ASB1: variants seen among roughly 807,000 people sequenced by gnomAD.
ASB1 encodes the protein ankyrin repeat and SOCS box protein 1.
In ASB1, 18 loss-of-function variants were observed where a neutral mutation model predicts 27.7. The observed-to-expected ratio is 0.65, with a 90% CI of 0.45 to 0.96. The LOEUF (loss-of-function observed/expected upper bound fraction) is 0.96. ASB1 is among the 50% of genes least tolerant of loss of function. The probability of loss-of-function intolerance (pLI) is 0.00; values close to 1 mark genes in which losing one functional copy is unlikely to be tolerated. For synonymous variants in ASB1, 189 were observed against 187.6 expected, an observed-to-expected ratio of 1.01 and a Z score of -0.06; for missense variants, 397 against 451.7, an observed-to-expected ratio of 0.88 and a Z score of 1.10.
intron 2 of ASB1, among the ~76,000 whole-genome samples, chr2:238,435,473 T>C (rs1397562530): frequency 1.3e-5 from 2 of 152,232 alleles, no homozygotes; most frequent in Non-Finnish European, 2.9e-5. Context: ...GTTTTGGTGC[T>C]GATCATTCTG....
intron 1 of ASB1, chr2:238,433,229 G>T (rs1460973831): frequency 1.0e-5 from 2 of 194,888 alleles, no homozygotes; most frequent in Non-Finnish European, 2.1e-5. Flanking sequence ...AATTATTCTT[G>T]TCAGCGTTGG....
At chr2:238,442,987 C>G (rs866820011) in intron 3 of ASB1, among the ~76,000 whole-genome samples, 121 of 152,250 alleles carry the variant, frequency 7.9e-4, no homozygotes, top group African/African-American at 2.8e-3. Flanking sequence ...CCCACCACCC[C>G]CTTCTTGCTT....
chr2:238,432,893 C>T (rs372624069), intron 1 of ASB1, among the ~76,000 whole-genome samples: 6 of 151,062 alleles, frequency 4.0e-5, no homozygotes, highest in East Asian at 2.0e-4. Flanking sequence ...ACTACAGGTG[C>T]GCGGCACCAC....
intron 4 of ASB1, among the ~76,000 whole-genome samples, chr2:238,445,140 A>G (rs914598998): frequency 2.0e-5 from 3 of 151,692 alleles, no homozygotes; most frequent in Non-Finnish European, 4.4e-5. Flanking sequence ...CACCATGCCC[A>G]GCTAATTTTT....
chr2:238,441,440 AT>A (rs1200316835), intron 3 of ASB1, among the ~76,000 whole-genome samples: 1 of 152,110 alleles, frequency 6.6e-6, no homozygotes, highest in Non-Finnish European at 1.5e-5. Context: ...TGGCCAAGGT[AT>A]AAATTTTTGG....
intron 4 of ASB1, 56 bp downstream of exon 4, chr2:238,444,783 G>C: frequency 6.6e-7 from 1 of 1,506,486 alleles, no homozygotes; most frequent in Non-Finnish European, 8.8e-7. Flanking sequence ...AATGAATCAA[G>C]ATGTAGCAAT....
At chr2:238,427,229 G>T (rs1483347693) in intron 1 of ASB1, 110 bp downstream of exon 1, 4 of 818,894 alleles carry the variant, frequency 4.9e-6, no homozygotes, top group Non-Finnish European at 4.9e-6. Context: ...CCGGGTCCAC[G>T]GGGCAGCCAG....
At chr2:238,443,771 A>G (rs1228264909) in intron 3 of ASB1, among the ~76,000 whole-genome samples, 3 of 150,470 alleles carry the variant, frequency 2.0e-5, no homozygotes, top group East Asian at 3.9e-4. Flanking sequence ...CTGCAGAGAT[A>G]ATCAGAGGAT....
intron 1 of ASB1, among the ~76,000 whole-genome samples, chr2:238,429,703 C>G (rs1701829529): frequency 6.6e-6 from 1 of 152,130 alleles, no homozygotes; most frequent in South Asian, 2.1e-4. Context: ...GAGGCCGAGG[C>G]AGGCAGATCA....
At chr2:238,439,539 G>T (rs374552609) in intron 3 of ASB1, among the ~76,000 whole-genome samples, 2 of 152,168 alleles carry the variant, frequency 1.3e-5, no homozygotes, top group Non-Finnish European at 2.9e-5. Flanking sequence ...GCGTGTTCTG[G>T]TCCCGTCATC....
intron 3 of ASB1, among the ~76,000 whole-genome samples, chr2:238,438,745 A>G (rs558052509): frequency 2.0e-5 from 3 of 152,274 alleles, no homozygotes; most frequent in East Asian, 3.9e-4. Context: ...TAGGGCTCTC[A>G]TCTTTCACTG....
rs1478683928 is a variant in ASB1, at chr2:238,451,706, A to G, written c.*5195A>G. On this transcript the variant is annotated 3_prime_UTR_variant, in exon 5 of 5. Coordinates refer to ENST00000264607, the MANE Select transcript of ASB1 (RefSeq NM_001040445.3). ...GCATAATGAACACTTTTGATATGAT[A>G]TTGTAACTTTAGTAAATGCTTTACT... is the stretch of plus-strand genomic sequence containing the variant. 2.0e-5 allele frequency: 3 copies of G among 152,598 alleles called. No individual in the cohort carries two copies. Among genetic ancestry groups the G allele is most frequent in the Non-Finnish European group, 4.4e-5 (3 of 68,038 alleles). The allele number at this position is 152,598 out of a possible 1,614,324, so 9.5% of individuals were successfully genotyped here.
At chr2:238,439,401 A>T (rs1036469787) in intron 3 of ASB1, among the ~76,000 whole-genome samples, 1 of 152,014 alleles carries the variant, frequency 6.6e-6, no homozygotes, top group Non-Finnish European at 1.5e-5. Context: ...GTTCCAGGGG[A>T]GCGTTTCTCT....
intron 2 of ASB1, among the ~76,000 whole-genome samples, chr2:238,434,649 G>A (rs111310349): frequency 4.9e-4 from 74 of 152,282 alleles, no homozygotes; most frequent in African/African-American, 1.3e-3. Flanking sequence ...TACCAGAAAG[G>A]ACTGTCATAG....
Position 238,446,601 on chromosome 2 carries a change from C to T in ASB1, c.*90C>T. 1.3e-6 allele frequency: 2 copies of T among 1,506,924 alleles called. No homozygotes were observed. The highest frequency in any genetic ancestry group is 1.8e-6 in the Non-Finnish European group (2 of 1,096,206). The allele number at this position is 1,506,924 out of a possible 1,614,324, so 93.3% of individuals were successfully genotyped here. On this transcript the variant is annotated 3_prime_UTR_variant, in exon 5 of 5. Coordinates refer to ENST00000264607, the MANE Select transcript of ASB1 (RefSeq NM_001040445.3). ...CCCTGAGTGCTGTGCTGCTGCTGGT[C>T]TCCTGATGGCTGTTGCTGCAGAAGA...
At chr2:238,445,641 A>G (rs552036788) in intron 4 of ASB1, among the ~76,000 whole-genome samples, 2 of 152,246 alleles carry the variant, frequency 1.3e-5, no homozygotes, top group East Asian at 1.9e-4. Flanking sequence ...TCCTGCCCAC[A>G]TGTCACCCCC....
chr2:238,444,809 A>AC, intron 4 of ASB1, 82 bp downstream of exon 4: 1 of 1,449,870 alleles, frequency 6.9e-7, no homozygotes, highest in Non-Finnish European at 9.1e-7. Flanking sequence ...AAAAACAAAA[A>AC]CCTCCACCTG....
At chr2:238,428,756 T>C (rs1701811374) in intron 1 of ASB1, among the ~76,000 whole-genome samples, 1 of 152,156 alleles carries the variant, frequency 6.6e-6, no homozygotes, top group South Asian at 2.1e-4. Context: ...AAACTTGAAG[T>C]TGCTTTTGAA....
intron 2 of ASB1, 71 bp from the exon 3 acceptor site, chr2:238,435,640 T>A: frequency 6.8e-7 from 1 of 1,473,522 alleles, no homozygotes; most frequent in Non-Finnish European, 9.2e-7. Context: ...GCTGCCAGGG[T>A]GAGGGGGGCA....
Sources: gnomAD v4.1 joint callset for allele counts (sites outside exome capture counted in the v4.1 genomes callset) on GRCh38, gnomAD v4.1.1 for gene constraint, MANE v1.5 for transcripts, NCBI Gene and HGNC (gene_info 2026-07-23, HGNC 2026-07-21) for gene names.